DTNB: variants seen among roughly 807,000 people sequenced by gnomAD.
The protein encoded by DTNB is DTN-B.
In DTNB, 63 loss-of-function variants were observed where a neutral mutation model predicts 90.7. The ratio of observed to expected loss-of-function variants is 0.69; its 90% CI spans 0.57 to 0.86. The LOEUF is 0.86. Ranked by LOEUF, DTNB falls within the 40% of genes least tolerant of loss-of-function variation. DTNB has a pLI of 0.00. For missense variants in DTNB, 744 were observed against 807.1 expected (o/e 0.92, Z 0.95); for synonymous variants, 277 against 286.7 (o/e 0.97, Z 0.34).
At chr2:25,632,968 G>A (rs892051939) in intron 3 of DTNB, among the ~76,000 whole-genome samples, 1 of 152,084 alleles carries the variant, frequency 6.6e-6, no homozygotes, top group African/African-American at 2.4e-5. Flanking sequence ...TTCAGATAAA[G>A]AAATAATCAG....
chr2:25,430,189 A>G (rs2053392764), intron 14 of DTNB, among the ~76,000 whole-genome samples: 1 of 152,180 alleles, frequency 6.6e-6, no homozygotes, highest in African/African-American at 2.4e-5. Context: ...TTCCCTACAC[A>G]GATTTCTTAT....
intron 8 of DTNB, among the ~76,000 whole-genome samples, chr2:25,535,011 G>A (rs34044250): frequency 6.7e-6 from 1 of 149,834 alleles, no homozygotes; most frequent in Non-Finnish European, 1.5e-5. Context: ...GCCGGGCAGA[G>A]GCGCTCCTCA....
At chr2:25,551,263 T>C (rs1012600806) in intron 8 of DTNB, among the ~76,000 whole-genome samples, 1 of 152,230 alleles carries the variant, frequency 6.6e-6, no homozygotes, top group Non-Finnish European at 1.5e-5. Context: ...TGAAAGTCTA[T>C]CCTTGGTCTT....
Position 25,580,775 on chromosome 2 carries a change from G to A in DTNB, c.655C>T (p.Pro219Ser). The A allele has an allele frequency of 6.2e-7, 1 of 1,613,604 alleles. No homozygotes were observed. The highest frequency in any genetic ancestry group is 8.5e-7 in the Non-Finnish European group (1 of 1,179,622). ...FLDTMMADPP[P>S]QCLVWLPLMH... ...AGAGGTAGCCAGACAAGGCACTGGG[G>A]AGGAGGGTCAGCCATCATTGTGTCT... The change falls in exon 7 of 21, where the codon CCC becomes TCC. Residue 219 changes from proline (P) to serine (S), a missense_variant. Coordinates refer to ENST00000406818, the MANE Select transcript of DTNB (RefSeq NM_021907.5).
At chr2:25,570,758 T>C (rs896576189) in intron 8 of DTNB, among the ~76,000 whole-genome samples, 41 of 152,334 alleles carry the variant, frequency 2.7e-4, no homozygotes, top group Non-Finnish European at 3.5e-4. Flanking sequence ...TGTCCTCATA[T>C]TGAAGAGCTT....
intron 9 of DTNB, among the ~76,000 whole-genome samples, chr2:25,488,008 G>A (rs2066544882): frequency 2.0e-5 from 3 of 152,172 alleles, no homozygotes; most frequent in African/African-American, 4.8e-5. Context: ...TATCAAAAGC[G>A]TGCATGGGAA....
At chr2:25,381,974 A>AT (rs924784151) in intron 19 of DTNB, among the ~76,000 whole-genome samples, 1 of 152,208 alleles carries the variant, frequency 6.6e-6, no homozygotes, top group Non-Finnish European at 1.5e-5. Context: ...CCTTACCTGT[A>AT]TCTCCCACTT....
chr2:25,392,006 A>G (rs1457174046), intron 16 of DTNB, among the ~76,000 whole-genome samples: 1 of 152,180 alleles, frequency 6.6e-6, no homozygotes, highest in Non-Finnish European at 1.5e-5. Context: ...ACCTCACAGA[A>G]CTGGAGAAAC....
At chr2:25,455,583 A>C in intron 10 of DTNB, 89 bp from the exon 11 acceptor site, 1 of 1,114,642 alleles carries the variant, frequency 9.0e-7, no homozygotes, top group East Asian at 2.6e-5. Flanking sequence ...CAAACTTCAA[A>C]GAAAAATTTA....
intron 11 of DTNB, 104 bp from the exon 12 acceptor site, chr2:25,451,739 A>G (rs2059321802): frequency 1.7e-6 from 2 of 1,170,962 alleles, no homozygotes; most frequent in African/African-American, 3.1e-5. Context: ...AAGAATGGTA[A>G]TAAAAGAACT....
intron 9 of DTNB, among the ~76,000 whole-genome samples, chr2:25,502,848 T>C (rs2071103430): frequency 7.1e-6 from 1 of 139,914 alleles, no homozygotes; most frequent in Non-Finnish European, 1.5e-5. Context: ...ATTGCACCAC[T>C]GCACTCCAGC....
intron 8 of DTNB, among the ~76,000 whole-genome samples, chr2:25,544,151 G>A (rs995766998): frequency 1.3e-5 from 2 of 152,164 alleles, no homozygotes; most frequent in African/African-American, 2.4e-5. Flanking sequence ...CAGGGCTCGC[G>A]GGTTGGGTCA....
chr2:25,411,937 C>T (rs1308750229), intron 16 of DTNB, among the ~76,000 whole-genome samples: 1 of 152,180 alleles, frequency 6.6e-6, no homozygotes, highest in Non-Finnish European at 1.5e-5. Context: ...CAGAAGATTG[C>T]AGAAGCATGT....
At chr2:25,605,000 T>A (rs1054917485) in intron 5 of DTNB, among the ~76,000 whole-genome samples, 1 of 151,994 alleles carries the variant, frequency 6.6e-6, no homozygotes, top group Non-Finnish European at 1.5e-5. Flanking sequence ...ATGACAGGCA[T>A]GAGCCACTGC....
At chr2:25,420,891 T>C (rs143029602) in intron 15 of DTNB, among the ~76,000 whole-genome samples, 70 of 152,326 alleles carry the variant, frequency 4.6e-4, no homozygotes, top group Middle Eastern at 3.4e-3. Flanking sequence ...GGAAAAAGGA[T>C]AAAGAGAACA....
At chr2:25,523,279 G>A (rs542632133) in intron 9 of DTNB, among the ~76,000 whole-genome samples, 1 of 152,292 alleles carries the variant, frequency 6.6e-6, no homozygotes, top group East Asian at 1.9e-4. Flanking sequence ...TTGCAGAGTA[G>A]CTAGAAGGTC....
chr2:25,628,337 C>A lies in DTNB; in HGVS notation c.196G>T (p.Gly66Cys). The change falls in exon 4 of 21, where the codon GGC (glycine) becomes TGC (cysteine). Residue 66 changes from glycine to cysteine, a missense_variant. Gly to Cys is a radical substitution (Grantham distance 159). Coordinates refer to ENST00000406818, the MANE Select transcript of DTNB (RefSeq NM_021907.5). ...GTGGTATGGTCCAGTGTATTAAGGC[C>A]ATTGTCTCGGAAGGCTTCAATCATG... ...WNMIEAFRDNGLNTLDHTTEI... is the reference protein window; with the variant it reads ...WNMIEAFRDNCLNTLDHTTEI... 1 of 1,613,418 alleles carries A rather than the reference C, an allele frequency of 6.2e-7. No homozygotes were observed.
At chr2:25,527,012 T>C (rs2077308445) in intron 9 of DTNB, among the ~76,000 whole-genome samples, 1 of 152,138 alleles carries the variant, frequency 6.6e-6, no homozygotes, top group African/African-American at 2.4e-5. Context: ...AAAACCTCTA[T>C]ATGTTTGGAA....
chr2:25,570,786 T>A (rs1015550553), intron 8 of DTNB, among the ~76,000 whole-genome samples: 8 of 152,312 alleles, frequency 5.3e-5, no homozygotes, highest in Non-Finnish European at 1.2e-4. Flanking sequence ...CAGTTCTTAC[T>A]CCTCTTTTTC....
Sources: gnomAD v4.1 joint callset for allele counts (sites outside exome capture counted in the v4.1 genomes callset) on GRCh38, gnomAD v4.1.1 for gene constraint, MANE v1.5 for transcripts, NCBI Gene and HGNC (gene_info 2026-07-23, HGNC 2026-07-21) for gene names.